The following DOCK2 variants were observed in gnomAD, a reference collection of about 807,000 sequenced individuals.
DOCK2 encodes the protein dedicator of cytokinesis 2.
DOCK2 carries 87 observed loss-of-function variants against 248.9 expected under a neutral mutation model. That is an observed-to-expected ratio of 0.35 (90% CI 0.29 to 0.42). The LOEUF is 0.42. Among genes scored for constraint, DOCK2 ranks in the 10% least tolerant of loss-of-function variants. The pLI, the probability that DOCK2 is intolerant of heterozygous loss-of-function variation, is 1.00. For synonymous variants in DOCK2, 805 were observed against 821.6 expected (o/e 0.98, Z 0.35); for missense variants, 1,747 against 2,300.2 (o/e 0.76, Z 4.92).
In DOCK2 at chr5:169,844,322, A is replaced by G. The variant is rs537722150; in HGVS notation, c.2799+3470A>G. Among the ~76,000 whole-genome samples, 34 of 151,858 alleles carry G rather than the reference A, an allele frequency of 2.2e-4. No homozygotes were observed. The South Asian group carries it at 6.5e-3, about 29-fold the overall frequency. ...CAGGACAGCTTTAGAGATCAGCACA[A>G]CCTCCCATCCCTAAGCTGCTTTTAA... On this transcript the variant is annotated intron_variant, in intron 27 of 51. Coordinates refer to ENST00000520908, the MANE Select transcript of DOCK2 (RefSeq NM_004946.3).
chr5:170,071,491 T>C (rs1318484035), intron 46 of DOCK2, among the ~76,000 whole-genome samples: 3 of 152,264 alleles, frequency 2.0e-5, no homozygotes, highest in Admixed American at 6.5e-5. Context: ...GATTTCAAGA[T>C]CGATAGCTTG....
chr5:170,063,436 G>C (rs899520141), intron 44 of DOCK2, among the ~76,000 whole-genome samples: 1 of 152,124 alleles, frequency 6.6e-6, no homozygotes, highest in African/African-American at 2.4e-5. Context: ...GAGCAGTGCA[G>C]AAAGTGGGCA....
chr5:169,669,123 A>G (rs1431534346), intron 2 of DOCK2, among the ~76,000 whole-genome samples, 165 bp from the exon 3 acceptor site: 1 of 152,210 alleles, frequency 6.6e-6, no homozygotes, highest in Non-Finnish European at 1.5e-5. Flanking sequence ...CAACCAATTC[A>G]ACAGATTTCA....
chr5:169,807,725 T>C (rs2113161019), intron 26 of DOCK2, among the ~76,000 whole-genome samples: 1 of 150,118 alleles, frequency 6.7e-6, no homozygotes, highest in South Asian at 2.1e-4. Flanking sequence ...TCCCAGCTAC[T>C]CTGGAGGCTG....
chr5:169,756,954 A>T (rs1456391413), intron 23 of DOCK2, among the ~76,000 whole-genome samples: 2 of 151,478 alleles, frequency 1.3e-5, no homozygotes, highest in East Asian at 3.9e-4. Flanking sequence ...AAATGCTTGG[A>T]CTAGCCTCTT....
intron 14 of DOCK2, among the ~76,000 whole-genome samples, chr5:169,706,445 C>T (rs1317361008): frequency 6.6e-6 from 1 of 152,184 alleles, no homozygotes; most frequent in African/African-American, 2.4e-5. Flanking sequence ...GGTTTAATCT[C>T]TCAGGGACTC....
At chr5:169,928,095 T>A (rs1445287444) in intron 27 of DOCK2, among the ~76,000 whole-genome samples, 4 of 152,172 alleles carry the variant, frequency 2.6e-5, no homozygotes, top group Non-Finnish European at 5.9e-5. Context: ...CAGGATAAGA[T>A]ACTGTCAACC....
intron 30 of DOCK2, among the ~76,000 whole-genome samples, chr5:169,998,718 C>A (rs867443090): frequency 6.6e-6 from 1 of 152,204 alleles, no homozygotes; most frequent in African/African-American, 2.4e-5. Context: ...AAAGCCCACC[C>A]AGATGACTAC....
At chr5:169,887,201 A>T (rs925456145) in intron 27 of DOCK2, among the ~76,000 whole-genome samples, 1 of 152,124 alleles carries the variant, frequency 6.6e-6, no homozygotes, top group Non-Finnish European at 1.5e-5. Flanking sequence ...CCACATTTTC[A>T]TTCTGAAAGT....
Position 169,863,624 on chromosome 5 carries a change from GC to G in DOCK2, c.2799+22774del, listed in dbSNP as rs1190730276. Among the ~76,000 whole-genome samples the G allele has an allele frequency of 3.3e-5, 5 of 152,308 alleles. No homozygotes were observed. In the South Asian group the frequency reaches 6.2e-4, roughly 19 times the overall value. On this transcript the variant is annotated intron_variant, in intron 27 of 51. Coordinates refer to ENST00000520908, the MANE Select transcript of DOCK2 (RefSeq NM_004946.3). ...ACCAACAAGTTTATACCCTGGGGTG[GC>G]CTGACTCTGCCACAGGCAGAAAGGT...
At chr5:170,058,773 G>A (rs989329509) in intron 44 of DOCK2, among the ~76,000 whole-genome samples, 6 of 152,158 alleles carry the variant, frequency 3.9e-5, no homozygotes, top group Admixed American at 3.3e-4. Context: ...TCTGACTTGC[G>A]TTTTCAAGCT....
intron 22 of DOCK2, among the ~76,000 whole-genome samples, chr5:169,722,275 G>C (rs1471523464): frequency 6.6e-6 from 1 of 152,218 alleles, no homozygotes; most frequent in Non-Finnish European, 1.5e-5. Context: ...ATTACACAAA[G>C]TTTGGAGCAG....
chr5:170,080,466 T>C, intron 50 of DOCK2, 183 bp downstream of exon 50: 3 of 909,454 alleles, frequency 3.3e-6, no homozygotes, highest in Non-Finnish European at 4.8e-6. Context: ...TTCCTGGGGG[T>C]GACACCATCC....
At chr5:170,025,121 C>T (rs1321368693) in intron 33 of DOCK2, among the ~76,000 whole-genome samples, 3 of 152,242 alleles carry the variant, frequency 2.0e-5, no homozygotes, top group African/African-American at 7.2e-5. Context: ...TCGAGGGACA[C>T]AGCACACACT....
intron 38 of DOCK2, among the ~76,000 whole-genome samples, chr5:170,045,339 G>A (rs1238223439): frequency 6.6e-6 from 1 of 152,144 alleles, no homozygotes; most frequent in Non-Finnish European, 1.5e-5. Flanking sequence ...ACACCTCCCT[G>A]AGGAGGCTGA....
intron 27 of DOCK2, among the ~76,000 whole-genome samples, chr5:169,874,496 C>T (rs938102653): frequency 2.7e-5 from 4 of 150,272 alleles, no homozygotes; most frequent in African/African-American, 9.8e-5. Flanking sequence ...GCAGATTCTG[C>T]GTGGCATTTA....
Position 169,803,212 on chromosome 5 carries a change from T to G in DOCK2, c.2703+6T>G. ...TCCTTAGCTACCAGGATGCGGTGAGTCCTCCTGATGATGTAGATATCCTGG... is the reference window on the plus strand; with the variant it reads ...TCCTTAGCTACCAGGATGCGGTGAGGCCTCCTGATGATGTAGATATCCTGG... On this transcript the variant is annotated splice_donor_region_variant and intron_variant, in intron 26 of 51. Coordinates refer to ENST00000520908, the MANE Select transcript of DOCK2 (RefSeq NM_004946.3). The G allele has an allele frequency of 6.2e-7, 1 of 1,612,196 alleles. No homozygotes were observed. The highest frequency in any genetic ancestry group is 8.5e-7 in the Non-Finnish European group (1 of 1,179,174).
Position 169,798,299 on chromosome 5 carries a change from A to G in DOCK2, c.2555-4759A>G, listed in dbSNP as rs187638301. Among the ~76,000 whole-genome samples the G allele has an allele frequency of 1.2e-3, 176 of 147,366 alleles. 3 individuals carry two copies. The highest frequency in any genetic ancestry group is 7.7e-4 in the Non-Finnish European group (51 of 66,622). On this transcript the variant is annotated intron_variant, in intron 25 of 51. Coordinates refer to ENST00000520908, the MANE Select transcript of DOCK2 (RefSeq NM_004946.3). Reference sequence around the variant, plus strand: ...AGTTCATCCCTTCATCTGATACTTTACCTCTTCCTTGTGCCTATCTATAGA... The same window carrying G: ...AGTTCATCCCTTCATCTGATACTTTGCCTCTTCCTTGTGCCTATCTATAGA...
chr5:169,781,466 G>A (rs73322054), intron 25 of DOCK2, among the ~76,000 whole-genome samples: 11,747 of 152,216 alleles, frequency 0.077, 964 homozygotes, highest in East Asian at 0.34. Flanking sequence ...GGATCTCTGA[G>A]ATCCTGTTCA....
Sources: allele counts gnomAD v4.1 joint callset (sites outside exome capture counted in the v4.1 genomes callset), GRCh38; gene constraint gnomAD v4.1.1; transcripts MANE v1.5; gene names NCBI Gene and HGNC (gene_info 2026-07-23, HGNC 2026-07-21).